SPAG16: variants seen among roughly 807,000 people sequenced by gnomAD.
SPAG16 encodes sperm associated antigen 16, also known as sperm-associated antigen 16 protein.
In SPAG16, 86 loss-of-function variants were observed where a neutral mutation model predicts 80.4. The observed-to-expected ratio is 1.07, with a 90% CI of 0.90 to 1.28. SPAG16 has a LOEUF of 1.28. SPAG16 is among the 50% of genes most tolerant of loss of function. SPAG16 has a pLI of 0.00. For missense variants in SPAG16, 870 were observed against 765.3 expected, an observed-to-expected ratio of 1.14 and a Z score of -1.61; for synonymous variants, 294 against 265.9, an observed-to-expected ratio of 1.11 and a Z score of -1.03.
intron 11 of SPAG16, among the ~76,000 whole-genome samples, chr2:213,864,563 C>T (rs1251395901): frequency 1.3e-5 from 2 of 152,110 alleles, no homozygotes; most frequent in East Asian, 3.9e-4. Context: ...ATTTACTGTC[C>T]TCCTATGCTC....
chr2:213,413,444 A>G (rs1398710990), intron 9 of SPAG16, among the ~76,000 whole-genome samples: 9 of 152,148 alleles, frequency 5.9e-5, no homozygotes, highest in Admixed American at 5.9e-4. Context: ...ATTAATTAAA[A>G]TTGTTGAGCA....
chr2:214,221,619 T>A (rs1032556660), intron 15 of SPAG16, among the ~76,000 whole-genome samples: 1 of 152,136 alleles, frequency 6.6e-6, no homozygotes, highest in Non-Finnish European at 1.5e-5. Flanking sequence ...TTTTTTTGAA[T>A]GCATCTCTTT....
intron 10 of SPAG16, among the ~76,000 whole-genome samples, chr2:213,507,473 A>G (rs1575780506): frequency 6.6e-6 from 1 of 152,222 alleles, no homozygotes. Flanking sequence ...TAGTTTAAGT[A>G]TTAGATTAAA....
intron 14 of SPAG16, among the ~76,000 whole-genome samples, chr2:214,143,234 G>GTTTTTTTTTTTTTTTTTTGTT (rs2055455880): frequency 8.9e-6 from 1 of 112,670 alleles, no homozygotes; most frequent in Non-Finnish European, 1.8e-5. Context: ...ATAGTTTTGG[G>GTTTTTTTTTTTTTTTTTTGTT]TTTTTTTTTT....
At chr2:214,404,348 T>C (rs1436910361) in intron 15 of SPAG16, among the ~76,000 whole-genome samples, 1 of 152,208 alleles carries the variant, frequency 6.6e-6, no homozygotes, top group Non-Finnish European at 1.5e-5. Context: ...AGCTCAGCTG[T>C]TTTATTTGTA....
In SPAG16 at chr2:213,297,264, A is replaced by C; in HGVS notation, c.186A>C (p.Ile62=). ...ASEDDYEYEE[I]PDDNFSIPEG... is the part of the protein sequence containing the mutation. Reference sequence around the variant, plus strand: ...CCTTCTCTTTCTCTGTGATCTAGATACCAGATGACAATTTTAGCATCCCAG... The same window carrying C: ...CCTTCTCTTTCTCTGTGATCTAGATCCCAGATGACAATTTTAGCATCCCAG... The change falls in exon 3 of 16, where the codon ATA becomes ATC. Residue 62 remains isoleucine, a splice_region_variant and synonymous_variant. Transcript: ENST00000331683. 6.2e-7 allele frequency: 1 copy of C among 1,606,024 alleles called. No homozygotes were observed. The highest frequency in any genetic ancestry group is 8.5e-7 in the Non-Finnish European group (1 of 1,173,882).
intron 10 of SPAG16, among the ~76,000 whole-genome samples, chr2:213,508,487 G>A (rs2075066570): frequency 6.6e-6 from 1 of 152,170 alleles, no homozygotes; most frequent in South Asian, 2.1e-4. Flanking sequence ...CAGGAGAATG[G>A]CGTGAACCCG....
At chr2:213,617,228 G>T (rs771394948) in intron 10 of SPAG16, among the ~76,000 whole-genome samples, 12 of 152,134 alleles carry the variant, frequency 7.9e-5, no homozygotes, top group Non-Finnish European at 1.6e-4. Flanking sequence ...ATAAGACCTA[G>T]TCTGGAAGGG....
At chr2:214,003,200 A>C (rs965825066) in intron 12 of SPAG16, among the ~76,000 whole-genome samples, 5 of 152,202 alleles carry the variant, frequency 3.3e-5, no homozygotes, top group African/African-American at 9.7e-5. Context: ...ATATTTAAAA[A>C]TGTTTCTAAT....
intron 10 of SPAG16, among the ~76,000 whole-genome samples, chr2:213,624,110 G>T (rs2061876301): frequency 6.6e-6 from 1 of 151,988 alleles, no homozygotes; most frequent in African/African-American, 2.4e-5. Context: ...CCTGGTAGAA[G>T]TTAAACTACA....
chr2:213,528,473 TTCTA>T lies in SPAG16; in HGVS notation c.1070+38387_1070+38390del, dbSNP rs575083252. 2.0e-5 allele frequency among the ~76,000 whole-genome samples: 3 copies of T among 152,274 alleles called. No homozygotes were observed. The East Asian group carries it at 5.8e-4, about 29-fold the overall frequency. On this transcript the variant is annotated intron_variant, in intron 10 of 15. Coordinates refer to ENST00000331683, the MANE Select transcript of SPAG16 (RefSeq NM_024532.5). ...AGTATGTAACAGATGTGTGTGTGTGTTCTATCTTTCATACATTCTAATCTTGAAT... is the reference window on the plus strand; with the variant it reads ...AGTATGTAACAGATGTGTGTGTGTGTTCTTTCATACATTCTAATCTTGAAT...
chr2:213,398,744 C>G (rs2125328104), intron 9 of SPAG16, among the ~76,000 whole-genome samples: 1 of 152,282 alleles, frequency 6.6e-6, no homozygotes, highest in Middle Eastern at 3.4e-3. Context: ...TTACATATCT[C>G]TCATATGCTA....
intron 13 of SPAG16, among the ~76,000 whole-genome samples, chr2:214,061,981 G>GCACACACA (rs58582439): frequency 0.016 from 1,777 of 111,532 alleles, 43 homozygotes; most frequent in African/African-American, 0.049. Context: ...ATAAAAGCAT[G>GCACACACA]CACACACACA....
intron 14 of SPAG16, among the ~76,000 whole-genome samples, chr2:214,115,982 G>A (rs2053915713): frequency 6.6e-6 from 1 of 152,044 alleles, no homozygotes; most frequent in African/African-American, 2.4e-5. Context: ...ATTCAGGTAG[G>A]AGGCTGCAGA....
At chr2:214,117,844 G>A (rs1442685670) in intron 14 of SPAG16, among the ~76,000 whole-genome samples, 2 of 152,038 alleles carry the variant, frequency 1.3e-5, no homozygotes, top group East Asian at 1.9e-4. Context: ...AGGTATAGAA[G>A]CAACATACCA....
intron 13 of SPAG16, among the ~76,000 whole-genome samples, chr2:214,100,631 G>C (rs2052946513): frequency 6.6e-6 from 1 of 151,972 alleles, no homozygotes; most frequent in South Asian, 2.1e-4. Context: ...CAAAACATGT[G>C]GTATTTCGTT....
chr2:213,747,613 A>AC (rs1334647681), intron 10 of SPAG16, among the ~76,000 whole-genome samples: 1 of 152,200 alleles, frequency 6.6e-6, no homozygotes, highest in Non-Finnish European at 1.5e-5. Flanking sequence ...TACTATCGCT[A>AC]CAATATTCGG....
intron 10 of SPAG16, among the ~76,000 whole-genome samples, chr2:213,643,402 A>ATG (rs1559338005): frequency 5.3e-4 from 25 of 46,798 alleles, no homozygotes; most frequent in East Asian, 9.9e-4. Context: ...ATATATATAT[A>ATG]TATATATATT....
chr2:214,226,725 A>C (rs185513870), intron 15 of SPAG16, among the ~76,000 whole-genome samples: 2 of 152,164 alleles, frequency 1.3e-5, no homozygotes, highest in South Asian at 2.1e-4. Context: ...TTGGACACTT[A>C]AGTGAAAAAT....
Sources: gnomAD v4.1 joint callset for allele counts (sites outside exome capture counted in the v4.1 genomes callset) on GRCh38, gnomAD v4.1.1 for gene constraint, MANE v1.5 for transcripts, NCBI Gene and HGNC (gene_info 2026-07-23, HGNC 2026-07-21) for gene names.